IPO9: variants seen among roughly 807,000 people sequenced by gnomAD.
IPO9 encodes the protein importin 9, also known as importin-9.
Under a neutral mutation model 128.6 loss-of-function variants are expected in IPO9, and 28 were observed. That is an observed-to-expected ratio of 0.22 (90% confidence interval 0.16 to 0.30). The LOEUF (loss-of-function observed/expected upper bound fraction) is 0.30, where lower values mean the gene tolerates loss of function less well. Ranked by LOEUF, IPO9 falls within the 10% of genes least tolerant of loss-of-function variation. The pLI is 1.00. For synonymous variants in IPO9, 455 were observed against 475.8 expected (o/e 0.96, Z 0.57); for missense variants, 935 against 1,293.9 (o/e 0.72, Z 4.26).
rs1680786359 is a variant in IPO9, at chr1:201,877,476, G to A, written c.*1422G>A. The A allele has an allele frequency of 6.9e-6, 1 of 145,400 alleles. No homozygotes were observed. The highest frequency in any genetic ancestry group is 2.5e-5 in the African/African-American group (1 of 39,270). The allele number at this position is 145,400 out of a possible 1,614,324, so 9.0% of individuals were successfully genotyped here. A position where few individuals can be genotyped will look rare whatever the true frequency, so the allele number is the denominator to read the frequency against. On this transcript the variant is annotated 3_prime_UTR_variant, in exon 24 of 24. Coordinates refer to ENST00000361565, the MANE Select transcript of IPO9 (RefSeq NM_018085.5). ...CGATATCACACCGTTGCATTCCAAG[G>A]CAAGACTCAATCACACACACACACA...
chr1:201,874,762 C>A, intron 21 of IPO9, 70 bp from the exon 22 acceptor site: 2 of 1,061,858 alleles, frequency 1.9e-6, no homozygotes, highest in Non-Finnish European at 2.9e-6. Context: ...TCTATTCTGG[C>A]CTATTTGGAT....
Position 201,884,276 on chromosome 1 carries a change from G to C in IPO9, c.*8222G>C, listed in dbSNP as rs1680941753. The C allele has an allele frequency of 2.0e-5, 3 of 152,236 alleles. No individual in the cohort carries two copies. The highest frequency in any genetic ancestry group is 4.1e-4 in the South Asian group (2 of 4,838). 9.4% of individuals were successfully genotyped at this position (152,236 alleles called of 1,614,324 possible). A position where few individuals can be genotyped will look rare whatever the true frequency, so the allele number is the denominator to read the frequency against. On this transcript the variant is annotated 3_prime_UTR_variant, in exon 24 of 24. Coordinates refer to ENST00000361565, the MANE Select transcript of IPO9 (RefSeq NM_018085.5). ...GGAGTGATTGTGAGGATTAAATAAA[G>C]TTAATATAACACAAAGCACTTCGTA... is the stretch of plus-strand genomic sequence containing the variant.
intron 10 of IPO9, among the ~76,000 whole-genome samples, chr1:201,856,291 C>G (rs1044940100): frequency 7.2e-5 from 11 of 152,042 alleles, no homozygotes; most frequent in African/African-American, 2.4e-4. Context: ...ATTAGAAAAT[C>G]TCACAGGACC....
intron 4 of IPO9, among the ~76,000 whole-genome samples, chr1:201,849,358 C>G (rs1292403504): frequency 6.6e-6 from 1 of 152,192 alleles, no homozygotes; most frequent in African/African-American, 2.4e-5. Flanking sequence ...TTGCAAGTTC[C>G]TCCCTGCTTC....
chr1:201,864,681 T>C (rs1680516998), intron 14 of IPO9, among the ~76,000 whole-genome samples: 1 of 152,244 alleles, frequency 6.6e-6, no homozygotes, highest in Non-Finnish European at 1.5e-5. Flanking sequence ...AGCCCATTAC[T>C]TTCCAGAGTG....
intron 3 of IPO9, 125 bp downstream of exon 3, chr1:201,847,763 T>C: frequency 2.8e-6 from 2 of 712,476 alleles, no homozygotes; most frequent in East Asian, 5.4e-5. Context: ...GATTGGTGGC[T>C]GGCATTGCGG....
At chr1:201,874,730 T>C (rs1347571208) in intron 21 of IPO9, 102 bp from the exon 22 acceptor site, 1 of 800,802 alleles carries the variant, frequency 1.2e-6, no homozygotes, top group African/African-American at 1.7e-5. Context: ...ACAAGCCACA[T>C]TGCAGAAGCC....
chr1:201,859,328 A>G (rs1320407411), intron 13 of IPO9, among the ~76,000 whole-genome samples: 5 of 151,434 alleles, frequency 3.3e-5, no homozygotes, highest in Non-Finnish European at 7.4e-5. Flanking sequence ...ACTCATCCGA[A>G]CCTCTAAAAC....
At chr1:201,838,832 C>T (rs1026913089) in intron 1 of IPO9, among the ~76,000 whole-genome samples, 4 of 151,876 alleles carry the variant, frequency 2.6e-5, no homozygotes, top group Admixed American at 2.0e-4. Flanking sequence ...GGTTAGAGGA[C>T]GTAATGGTTT....
At position 201,870,057 on chromosome 1, in the gene IPO9, T is replaced by G. The variant is rs577776371; in HGVS notation, c.2133+339T>G. Among the ~76,000 whole-genome samples the G allele has an allele frequency of 3.0e-4, 46 of 152,352 alleles. No individual in the cohort carries two copies. The highest frequency in any genetic ancestry group is 1.4e-3 in the Admixed American group (22 of 15,304). On this transcript the variant is annotated intron_variant, in intron 17 of 23. Transcript: ENST00000361565. This position sits in a 1 kb window ranked among gnomAD's most constrained non-coding sequence, Gnocchi z 4.9. Reference sequence around the variant, plus strand: ...TAAAGTCAGCAGAGTGATGGGCCTCTAGAGAGGGGAGACATGCCTGAATAT... The same window carrying G: ...TAAAGTCAGCAGAGTGATGGGCCTCGAGAGAGGGGAGACATGCCTGAATAT...
In IPO9 at chr1:201,881,332, GCAGA is replaced by G. The variant is rs935244235; in HGVS notation, c.*5283_*5286del. On this transcript the variant is annotated 3_prime_UTR_variant, in exon 24 of 24. Coordinates refer to ENST00000361565, the MANE Select transcript of IPO9 (RefSeq NM_018085.5). ...AGTTTTACAGATTGATGAAACTGAA[GCAGA>G]CAGATATTGTTAACCTATCAAAGGT... 1.3e-5 allele frequency: 2 copies of G among 152,182 alleles called. No homozygotes were observed. Among genetic ancestry groups the G allele is most frequent in the African/African-American group, 4.8e-5 (2 of 41,442 alleles). 9.4% of individuals were successfully genotyped at this position (152,182 alleles called of 1,614,324 possible).
At chr1:201,855,247 T>TG in intron 9 of IPO9, 65 bp downstream of exon 9, 1 of 1,020,380 alleles carries the variant, frequency 9.8e-7, no homozygotes, top group East Asian at 2.4e-5. Context: ...AAGCCAGAGA[T>TG]GGGGGCGGGA....
chr1:201,876,185 G>T lies in IPO9; in HGVS notation c.*131G>T, dbSNP rs7514651. The T allele has an allele frequency of 4.4e-3, 3,409 of 768,606 alleles. 58 individuals carry two copies. Among genetic ancestry groups the T allele is most frequent in the African/African-American group, 0.044 (2,581 of 58,998 alleles). The allele number at this position is 768,606 out of a possible 1,614,324, so 47.6% of individuals were successfully genotyped here. A position where few individuals can be genotyped will look rare whatever the true frequency, so the allele number is the denominator to read the frequency against. ...TGACCCTTGGCCCTTGGCCTCGGCA[G>T]TGACACTGATGACAATTCAGACCAG... On this transcript the variant is annotated 3_prime_UTR_variant, in exon 24 of 24. Transcript: ENST00000361565.
Position 201,884,007 on chromosome 1 carries a change from C to T in IPO9, c.*7953C>T, listed in dbSNP as rs1278401636. The T allele has an allele frequency of 6.6e-6, 1 of 152,204 alleles. No individual in the cohort carries two copies. The highest frequency in any genetic ancestry group is 1.9e-4 in the East Asian group (1 of 5,192). The allele number at this position is 152,204 out of a possible 1,614,324, so 9.4% of individuals were successfully genotyped here. ...TAGTGGGTTGAACCGAACGGTAGTC[C>T]GTTTCCAAAAGAGGAAGCCAAGACC... On this transcript the variant is annotated 3_prime_UTR_variant, in exon 24 of 24. Coordinates refer to ENST00000361565, the MANE Select transcript of IPO9 (RefSeq NM_018085.5).
chr1:201,875,168 G>T lies in IPO9; in HGVS notation c.2955G>T (p.Glu985Asp). Reference sequence around the variant, plus strand: ...GTCTAACAGAGGAGGATTACTACGAGGATGATGAGGAAGATGACCCTGATG... The same window carrying T: ...GTCTAACAGAGGAGGATTACTACGATGATGATGAGGAAGATGACCCTGATG... ...ATSKYEEDYY[E>D]DDEEDDPDAL... The change falls in exon 23 of 24, where the codon GAG (glutamate) becomes GAT (aspartate). Residue 985 changes from glutamate to aspartate, a missense_variant. Around this residue, in one of 3 missense-constraint regions of IPO9, gnomAD observed 188 missense variants for 246.7 expected, o/e 0.76. Transcript: ENST00000361565. 6.2e-7 allele frequency: 1 copy of T among 1,614,154 alleles called. No homozygotes were observed. The highest frequency in any genetic ancestry group is 8.5e-7 in the Non-Finnish European group (1 of 1,179,984).
chr1:201,876,751 T>A lies in IPO9; in HGVS notation c.*697T>A, dbSNP rs1438282983. On this transcript the variant is annotated 3_prime_UTR_variant, in exon 24 of 24. Transcript: ENST00000361565. ...CAGATGGCAATTTGATCTTCCTTTT[T>A]TAGAAAAAAAAAAAAAAATGGGGAA... 4.4e-5 allele frequency: 4 copies of A among 91,440 alleles called. No homozygotes were observed. The highest frequency in any genetic ancestry group is 1.8e-4 in the African/African-American group (4 of 22,308). The allele number at this position is 91,440 out of a possible 1,614,324, so 5.7% of individuals were successfully genotyped here.
At chr1:201,837,894 A>G (rs1397803851) in intron 1 of IPO9, among the ~76,000 whole-genome samples, 1 of 152,048 alleles carries the variant, frequency 6.6e-6, no homozygotes, top group East Asian at 1.9e-4. Flanking sequence ...AACATGGAGA[A>G]ACCACATTTC....
intron 1 of IPO9, among the ~76,000 whole-genome samples, chr1:201,831,752 C>G (rs1679836660): frequency 6.6e-6 from 1 of 152,204 alleles, no homozygotes; most frequent in African/African-American, 2.4e-5. Flanking sequence ...CGGGATTTAG[C>G]CAACTATCTG....
In IPO9 at chr1:201,870,968, A is replaced by G; in HGVS notation, c.2409+110A>G. The G allele has an allele frequency of 7.3e-7, 1 of 1,367,804 alleles. No homozygotes were observed. Among genetic ancestry groups the G allele is most frequent in the Non-Finnish European group, 9.9e-7 (1 of 1,012,760 alleles). The allele number at this position is 1,367,804 out of a possible 1,614,324, so 84.7% of individuals were successfully genotyped here. ...TACCCTCTTACTAGCCTTGTAGGACAGTTAAGTAAAATGGGACCTGTCTGA... is the reference window on the plus strand; with the variant it reads ...TACCCTCTTACTAGCCTTGTAGGACGGTTAAGTAAAATGGGACCTGTCTGA... On this transcript the variant is annotated intron_variant, in intron 18 of 23. Coordinates refer to ENST00000361565, the MANE Select transcript of IPO9 (RefSeq NM_018085.5). This position sits in a 1 kb window ranked among gnomAD's most constrained non-coding sequence, Gnocchi z 4.9.
Sources: gnomAD v4.1 joint callset for allele counts (sites outside exome capture counted in the v4.1 genomes callset) on GRCh38, gnomAD v4.1.1 for gene constraint, gnomAD v4.1.1 regional missense constraint, Gnocchi (gnomAD v3.1) non-coding constraint, MANE v1.5 for transcripts, NCBI Gene and HGNC (gene_info 2026-07-23, HGNC 2026-07-21) for gene names.